Variants in SLC17A5 observed in about 807,000 individuals in gnomAD.
The protein encoded by SLC17A5 is solute carrier family 17 member 5.
Under a neutral mutation model 59.4 loss-of-function variants are expected in SLC17A5, and 47 were observed. That is an observed-to-expected ratio of 0.79 (90% CI 0.63 to 1.01). The LOEUF (loss-of-function observed/expected upper bound fraction) is 1.01. Among genes scored for constraint, SLC17A5 ranks in the 50% least tolerant of loss-of-function variants. The pLI, the probability that SLC17A5 is intolerant of heterozygous loss-of-function variation, is 0.00. For missense variants in SLC17A5, 522 were observed against 595.5 expected, an observed-to-expected ratio of 0.88 and a Z score of 1.28; for synonymous variants, 202 against 210.7, an observed-to-expected ratio of 0.96 and a Z score of 0.36.
intron 9 of SLC17A5, among the ~76,000 whole-genome samples, chr6:73,601,888 C>G (rs1282287566): frequency 6.6e-6 from 1 of 151,640 alleles, no homozygotes; most frequent in African/African-American, 2.4e-5. Flanking sequence ...GCCGCCCCTA[C>G]TGGGAAGTGA....
At chr6:73,597,611 C>A (rs1297530927) in intron 10 of SLC17A5, among the ~76,000 whole-genome samples, 1 of 151,984 alleles carries the variant, frequency 6.6e-6, no homozygotes, top group Non-Finnish European at 1.5e-5. Flanking sequence ...GTGGTGAAAC[C>A]CCATCTTTAC....
At chr6:73,611,582 GT>G (rs34949489) in intron 8 of SLC17A5, among the ~76,000 whole-genome samples, 16,636 of 146,140 alleles carry the variant, frequency 0.11, 1,218 homozygotes, top group Admixed American at 0.2. Flanking sequence ...CCCGGCCTTG[GT>G]TTTTTTTTTT....
chr6:73,643,898 T>C (rs676952), intron 2 of SLC17A5, among the ~76,000 whole-genome samples: 66,710 of 152,030 alleles, frequency 0.44, 15,608 homozygotes, highest in African/African-American at 0.59. Flanking sequence ...ACACATTTAT[T>C]AATACCACTA....
intron 9 of SLC17A5, among the ~76,000 whole-genome samples, chr6:73,602,232 T>C (rs1188689407): frequency 6.7e-6 from 1 of 149,530 alleles, no homozygotes; most frequent in Non-Finnish European, 1.5e-5. Flanking sequence ...AACAGATGCT[T>C]GAAGGCAGCA....
intron 6 of SLC17A5, among the ~76,000 whole-genome samples, chr6:73,632,411 GAC>G (rs2150109863): frequency 7.5e-6 from 1 of 132,900 alleles, no homozygotes; most frequent in South Asian, 2.7e-4. Context: ...GAGAGATTAA[GAC>G]ACATATCGAT....
chr6:73,602,442 A>G (rs1294546437), intron 9 of SLC17A5, among the ~76,000 whole-genome samples: 1 of 133,276 alleles, frequency 7.5e-6, no homozygotes, highest in Non-Finnish European at 1.6e-5. Context: ...CAATAAAAAA[A>G]ATAAAAATTA....
At chr6:73,607,430 C>G (rs1767444448) in intron 9 of SLC17A5, among the ~76,000 whole-genome samples, 1 of 152,030 alleles carries the variant, frequency 6.6e-6, no homozygotes, top group Admixed American at 6.6e-5. Flanking sequence ...CCCCACCTGG[C>G]TAATTTTATA....
chr6:73,615,482 G>A, intron 7 of SLC17A5, 35 bp from the exon 8 acceptor site: 1 of 1,610,986 alleles, frequency 6.2e-7, no homozygotes, highest in East Asian at 2.2e-5. Flanking sequence ...ATTAATTACG[G>A]TGAGAGAAAA....
At chr6:73,610,248 G>T (rs1360692342) in intron 9 of SLC17A5, 152 bp downstream of exon 9, 12 of 799,460 alleles carry the variant, frequency 1.5e-5, no homozygotes, top group Non-Finnish European at 1.6e-5. Flanking sequence ...TGGCCAGGCT[G>T]GTCTCAAACT....
chr6:73,628,464 G>A (rs917114046), intron 6 of SLC17A5, among the ~76,000 whole-genome samples: 1 of 152,010 alleles, frequency 6.6e-6, no homozygotes, highest in Non-Finnish European at 1.5e-5. Flanking sequence ...CCAGCTACTC[G>A]GGAGGCTGAG....
rs1368065752 is a variant in SLC17A5 at position 73,653,780 on chromosome 6, C to T, written c.94+13G>A. ...CTGCCCACTCGAAGCCCCTGGACGA[C>T]CCCGCCGCTTACCGGCTTCGGCCCG... On this transcript the variant is annotated intron_variant, in intron 1 of 10. Transcript: ENST00000355773. 27 of 1,573,056 alleles carry T rather than the reference C, an allele frequency of 1.7e-5. No homozygotes were observed. The highest frequency in any genetic ancestry group is 2.2e-5 in the Non-Finnish European group (26 of 1,159,772).
intron 6 of SLC17A5, among the ~76,000 whole-genome samples, chr6:73,628,785 A>G (rs1645114031): frequency 6.6e-6 from 1 of 152,198 alleles, no homozygotes; most frequent in Non-Finnish European, 1.5e-5. Context: ...TTTTTTCCAT[A>G]TAAGTTGAAA....
chr6:73,632,463 G>C (rs1317136575), intron 6 of SLC17A5, among the ~76,000 whole-genome samples: 1 of 66,026 alleles, frequency 1.5e-5, no homozygotes, highest in Non-Finnish European at 3.4e-5. Context: ...TTTTTTTTAA[G>C]ACAGGGTCTT....
At chr6:73,611,021 T>C (rs1373016674) in intron 8 of SLC17A5, among the ~76,000 whole-genome samples, 1 of 152,032 alleles carries the variant, frequency 6.6e-6, no homozygotes, top group African/African-American at 2.4e-5. Flanking sequence ...GGCGGGAGAA[T>C]CACTTGAGGC....
chr6:73,631,078 G>A (rs1768685755), intron 6 of SLC17A5, among the ~76,000 whole-genome samples: 1 of 150,256 alleles, frequency 6.7e-6, no homozygotes, highest in African/African-American at 2.5e-5. Context: ...AAAAAAAGCA[G>A]TCCTGGGCTG....
chr6:73,625,109 TCTG>T (rs999171783), intron 6 of SLC17A5, among the ~76,000 whole-genome samples: 8 of 152,204 alleles, frequency 5.3e-5, no homozygotes, highest in African/African-American at 1.7e-4. Flanking sequence ...CCAACCTTCT[TCTG>T]GCCTTTTTCA....
At chr6:73,615,758 G>GTCACCAT in intron 7 of SLC17A5, among the ~76,000 whole-genome samples, 1 of 151,308 alleles carries the variant, frequency 6.6e-6, no homozygotes, top group Non-Finnish European at 1.5e-5. Context: ...GTTAGCCTAT[G>GTCACCAT]GATTCTCCCT....
At chr6:73,645,492 T>TA (rs891905259) in intron 1 of SLC17A5, 55 of 975,416 alleles carry the variant, frequency 5.6e-5, no homozygotes, top group African/African-American at 7.1e-5. Flanking sequence ...CCACCATGAT[T>TA]AAAAAAAAAG....
At chr6:73,622,286 A>C (rs574274533) in intron 6 of SLC17A5, among the ~76,000 whole-genome samples, 8 of 146,392 alleles carry the variant, frequency 5.5e-5, no homozygotes, top group Admixed American at 2.8e-4. Flanking sequence ...TGATTTATCT[A>C]TTTCTTTCTT....
Sources: allele counts gnomAD v4.1 joint callset (sites outside exome capture counted in the v4.1 genomes callset), GRCh38; gene constraint gnomAD v4.1.1; transcripts MANE v1.5; gene names NCBI Gene and HGNC (gene_info 2026-07-23, HGNC 2026-07-21).